The following MAPK14 variants were observed in gnomAD, a reference collection of about 807,000 sequenced individuals.
MAPK14 encodes the protein CSAID-binding protein.
MAPK14 carries 16 observed loss-of-function variants against 49.6 expected under a neutral mutation model. The observed-to-expected ratio is 0.32, with a 90% CI of 0.22 to 0.49. The LOEUF (loss-of-function observed/expected upper bound fraction) is 0.49, where lower values mean the gene tolerates loss of function less well. Ranked by LOEUF, MAPK14 falls within the 20% of genes least tolerant of loss-of-function variation. MAPK14 has a pLI of 0.99. For missense variants in MAPK14, 200 were observed against 441.2 expected (o/e 0.45, Z 4.90); for synonymous variants, 142 against 158.0 (o/e 0.90, Z 0.76).
intron 3 of MAPK14, among the ~76,000 whole-genome samples, 165 bp from the exon 4 acceptor site, chr6:36,072,708 T>G (rs913321087): frequency 2.0e-5 from 3 of 152,062 alleles, no homozygotes; most frequent in Non-Finnish European, 2.9e-5. Flanking sequence ...GAGGTTGTAG[T>G]GAGCTGAGAT....
rs1364629264 is a variant in MAPK14, at chr6:36,096,164, A to C, written c.762+98A>C. On this transcript the variant is annotated intron_variant, in intron 9 of 11. Coordinates refer to ENST00000229794, the MANE Select transcript of MAPK14 (RefSeq NM_139012.3). ...GACCTGGGTGTGTTTGTAAGCACAC[A>C]TGCCCTTTGTGTGCTGACTTCCCGG... 6.1e-6 allele frequency: 5 copies of C among 822,608 alleles called. No individual in the cohort carries two copies. The Admixed American group carries it at 6.2e-5, about 10-fold the overall frequency. The allele number at this position is 822,608 out of a possible 1,614,324, so 51.0% of individuals were successfully genotyped here.
In MAPK14 at chr6:36,043,258, G is replaced by T. The variant is rs576604285; in HGVS notation, c.117-9441G>T. On this transcript the variant is annotated intron_variant, in intron 1 of 11. Transcript: ENST00000229794. ...AACAAGATATTTGAGAGTTAGCGAA[G>T]ATATTAAAGCTAATGTTTTAAATTT... is the stretch of plus-strand genomic sequence containing the variant. 1.4e-3 allele frequency among the ~76,000 whole-genome samples: 210 copies of T among 152,288 alleles called. 3 individuals are homozygous for T. Among genetic ancestry groups the T allele is most frequent in the Non-Finnish European group, 2.6e-3 (177 of 68,022 alleles).
intron 1 of MAPK14, 111 bp from the exon 2 acceptor site, chr6:36,052,588 T>C (rs909044657): frequency 4.4e-6 from 4 of 915,388 alleles, no homozygotes; most frequent in Non-Finnish European, 6.2e-6. Flanking sequence ...TTATGCTTTT[T>C]TTTGGTATTT....
In MAPK14 at chr6:36,052,705, T is replaced by C; in HGVS notation, c.123T>C (p.Ala41=). The change falls in exon 2 of 12, where the codon GCT becomes GCC. Residue 41 remains alanine (A), a synonymous_variant. Transcript: ENST00000229794. The part of the protein sequence containing the change: ...GSGAYGSVCA[A]FDTKTGLRVA... ...TTCCCTTTTTTCTCCTTAGTGCTGCTTTTGACACAAAAACGGGGTTACGTG... is the reference window on the plus strand; with the variant it reads ...TTCCCTTTTTTCTCCTTAGTGCTGCCTTTGACACAAAAACGGGGTTACGTG... 6.2e-7 allele frequency: 1 copy of C among 1,606,832 alleles called. No individual in the cohort carries two copies. The highest frequency in any genetic ancestry group is 8.5e-7 in the Non-Finnish European group (1 of 1,177,200).
downstream of MAPK14, chr6:36,111,276 T>C (rs1765967112): frequency 6.6e-6 from 1 of 152,248 alleles, no homozygotes; most frequent in Non-Finnish European, 1.5e-5. Flanking sequence ...TGGCTGCTTT[T>C]GTGCTACAGT....
chr6:36,062,376 A>C (rs1203089247), intron 3 of MAPK14, among the ~76,000 whole-genome samples: 1 of 152,238 alleles, frequency 6.6e-6, no homozygotes, highest in Non-Finnish European at 1.5e-5. Flanking sequence ...TCAGGGTCAC[A>C]CAAAGAACAT....
chr6:36,092,190 T>C, intron 8 of MAPK14: 1 of 532,252 alleles, frequency 1.9e-6, no homozygotes. Context: ...TTACATTTTC[T>C]GCGTCATCTC....
At chr6:36,067,132 A>G (rs909390392) in intron 3 of MAPK14, among the ~76,000 whole-genome samples, 7 of 152,170 alleles carry the variant, frequency 4.6e-5, no homozygotes, top group African/African-American at 1.7e-4. Flanking sequence ...AATCTAAATA[A>G]GTTACATATC....
At position 36,028,071 on chromosome 6, in the gene MAPK14, G is replaced by A. The variant is rs2127384872; in HGVS notation, c.-87G>A. On this transcript the variant is annotated 5_prime_UTR_variant, in exon 1 of 12. Transcript: ENST00000229794. The surrounding 1 kb of genome is among the most constrained non-coding windows in gnomAD (Gnocchi z 5.1). ...CCAGCGCAAGGTCCCCGCCCGGCTGGGCGGGCAGCAAGGGCCGGGGAGAGG... is the reference window on the plus strand; with the variant it reads ...CCAGCGCAAGGTCCCCGCCCGGCTGAGCGGGCAGCAAGGGCCGGGGAGAGG... 2 of 831,564 alleles carry A rather than the reference G, an allele frequency of 2.4e-6. No homozygotes were observed. Among genetic ancestry groups the A allele is most frequent in the Non-Finnish European group, 3.8e-6 (2 of 529,578 alleles). The allele number at this position is 831,564 out of a possible 1,614,324, so 51.5% of individuals were successfully genotyped here. A position where few individuals can be genotyped will look rare whatever the true frequency, so the allele number is the denominator to read the frequency against.
At chr6:36,084,927 G>A (rs948448554) in intron 8 of MAPK14, among the ~76,000 whole-genome samples, 4 of 147,574 alleles carry the variant, frequency 2.7e-5, no homozygotes, top group African/African-American at 1.0e-4. Flanking sequence ...CAGCCAGAGA[G>A]AAAGGCTAGG....
intron 1 of MAPK14, among the ~76,000 whole-genome samples, chr6:36,047,631 A>G (rs1016623814): frequency 2.0e-5 from 3 of 152,248 alleles, no homozygotes; most frequent in East Asian, 1.9e-4. Context: ...TGGTGCCATC[A>G]TGGCGCACCA....
rs578076648 is a variant in MAPK14, at chr6:36,108,634, G to A, written c.*187G>A. 8.2e-6 allele frequency: 5 copies of A among 608,664 alleles called. No individual in the cohort carries two copies. The African/African-American group carries it at 9.2e-5, about 11-fold the overall frequency. 37.7% of individuals were successfully genotyped at this position (608,664 alleles called of 1,614,324 possible). On this transcript the variant is annotated 3_prime_UTR_variant, in exon 12 of 12. Coordinates refer to ENST00000229794, the MANE Select transcript of MAPK14 (RefSeq NM_139012.3). ...TGTGTCTGTCTTTGTGGGAGGGTAAGACAATATGAACAAACTATGATCACA... is the reference window on the plus strand; with the variant it reads ...TGTGTCTGTCTTTGTGGGAGGGTAAAACAATATGAACAAACTATGATCACA...
chr6:36,101,211 G>A (rs1765621636), intron 9 of MAPK14, among the ~76,000 whole-genome samples: 1 of 152,160 alleles, frequency 6.6e-6, no homozygotes, highest in South Asian at 2.1e-4. Context: ...AGGCTGAGAT[G>A]GGAGGATCAG....
intron 1 of MAPK14, among the ~76,000 whole-genome samples, chr6:36,038,574 C>T (rs1425999951): frequency 6.6e-6 from 1 of 152,148 alleles, no homozygotes; most frequent in East Asian, 1.9e-4. Context: ...GTTTCGGTTC[C>T]TTACCCATTC....
chr6:36,038,952 G>A (rs908692046), intron 1 of MAPK14, among the ~76,000 whole-genome samples: 1 of 152,028 alleles, frequency 6.6e-6, no homozygotes, highest in African/African-American at 2.4e-5. Flanking sequence ...AAACATTTAA[G>A]TTTTATTTGA....
chr6:36,068,575 G>T (rs56056710), intron 3 of MAPK14, among the ~76,000 whole-genome samples: 18,008 of 152,008 alleles, frequency 0.12, 1,167 homozygotes, highest in African/African-American at 0.18. Flanking sequence ...GAATAAATGG[G>T]TTTTTTTGTT....
chr6:36,079,196 C>G (rs1207636836), intron 8 of MAPK14, among the ~76,000 whole-genome samples: 3 of 152,120 alleles, frequency 2.0e-5, no homozygotes, highest in African/African-American at 7.2e-5. Context: ...ATGGGGAAAC[C>G]AAGACCCAGA....
chr6:36,109,426 C>T lies in MAPK14; in HGVS notation c.*979C>T, dbSNP rs200723169. 5.1e-4 allele frequency: 78 copies of T among 152,838 alleles called. No individual in the cohort carries two copies. The highest frequency in any genetic ancestry group is 1.6e-3 in the African/African-American group (65 of 41,586). The allele number at this position is 152,838 out of a possible 1,614,324, so 9.5% of individuals were successfully genotyped here. ...CATGCACAGCTGCTTGTCCTGCTCT[C>T]TTCAGGAGGCCCTGGTGTCAGGCAG... On this transcript the variant is annotated 3_prime_UTR_variant, in exon 12 of 12. Coordinates refer to ENST00000229794, the MANE Select transcript of MAPK14 (RefSeq NM_139012.3).
chr6:36,034,191 T>C (rs947232051), intron 1 of MAPK14, among the ~76,000 whole-genome samples: 1 of 152,210 alleles, frequency 6.6e-6, no homozygotes, highest in African/African-American at 2.4e-5. Flanking sequence ...GGGTAATGAC[T>C]TAACCCATTT....
Sources: allele counts gnomAD v4.1 joint callset (sites outside exome capture counted in the v4.1 genomes callset), GRCh38; gene constraint gnomAD v4.1.1; non-coding constraint Gnocchi (gnomAD v3.1); transcripts MANE v1.5; gene names NCBI Gene and HGNC (gene_info 2026-07-23, HGNC 2026-07-21).